The following NRG4 variants were observed in gnomAD, a reference collection of about 807,000 sequenced individuals.
NRG4 encodes pro-neuregulin-4, membrane-bound isoform.
In NRG4, 10 loss-of-function variants were observed where a neutral mutation model predicts 15.0. That is an observed-to-expected ratio of 0.67 (90% CI 0.41 to 1.13). The LOEUF is 1.13. Among genes scored for constraint, NRG4 ranks in the 50% most tolerant of loss-of-function variants. The pLI, the probability that NRG4 is intolerant of heterozygous loss-of-function variation, is 0.00. For missense variants in NRG4, 139 were observed against 140.2 expected (o/e 0.99, Z 0.04); for synonymous variants, 41 against 50.1 (o/e 0.82, Z 0.77).
chr15:75,954,613 TGG>T (rs1182140108), intron 5 of NRG4, among the ~76,000 whole-genome samples: 1 of 151,520 alleles, frequency 6.6e-6, no homozygotes, highest in East Asian at 1.9e-4. Context: ...TTAGTAGAGA[TGG>T]GGTTTCACCA....
chr15:76,020,698 C>T (rs532424257), intron 5 of NRG4, among the ~76,000 whole-genome samples: 8 of 152,234 alleles, frequency 5.3e-5, no homozygotes, highest in South Asian at 2.1e-4. Flanking sequence ...ATGCGGCCCA[C>T]GCGCCAGGGT....
intron 3 of NRG4, among the ~76,000 whole-genome samples, chr15:75,967,112 CAAA>C (rs1300663699): frequency 3.9e-5 from 2 of 51,154 alleles, no homozygotes; most frequent in Non-Finnish European, 3.9e-5. Flanking sequence ...GACTCCGTCT[CAAA>C]AAAAAAAAAA....
chr15:76,058,792 G>A (rs1422082613), intron 1 of NRG4, among the ~76,000 whole-genome samples: 1 of 152,192 alleles, frequency 6.6e-6, no homozygotes, highest in Non-Finnish European at 1.5e-5. Context: ...TTTTTAGCAA[G>A]AATTGGTGGA....
At chr15:76,025,313 C>A (rs2035280713) in intron 5 of NRG4, among the ~76,000 whole-genome samples, 1 of 152,084 alleles carries the variant, frequency 6.6e-6, no homozygotes, top group African/African-American at 2.4e-5. Flanking sequence ...GTGGCGGGCG[C>A]TTGTAGTCCC....
intron 5 of NRG4, among the ~76,000 whole-genome samples, chr15:76,024,685 A>T (rs1288914226): frequency 6.6e-6 from 1 of 152,220 alleles, no homozygotes; most frequent in African/African-American, 2.4e-5. Flanking sequence ...CCTTGATCTG[A>T]GAAAAAGCTT....
intron 5 of NRG4, among the ~76,000 whole-genome samples, chr15:75,952,369 ATGT>A (rs2031954288): frequency 6.6e-6 from 1 of 152,088 alleles, no homozygotes; most frequent in Non-Finnish European, 1.5e-5. Flanking sequence ...TTACTTCAGC[ATGT>A]TGTTTTCAAA....
At chr15:75,953,039 G>A (rs2032005729) in intron 5 of NRG4, among the ~76,000 whole-genome samples, 5 of 151,990 alleles carry the variant, frequency 3.3e-5, no homozygotes, top group Admixed American at 1.3e-4. Context: ...TCCAGTTTTT[G>A]TATTTTTTCT....
At chr15:76,055,664 AT>A (rs1442526116) in intron 2 of NRG4, among the ~76,000 whole-genome samples, 1 of 152,186 alleles carries the variant, frequency 6.6e-6, no homozygotes, top group African/African-American at 2.4e-5. Context: ...TATTAAAAAA[AT>A]AATTAAAATG....
chr15:75,983,153 C>T lies in NRG4; in HGVS notation c.105-21179G>A, dbSNP rs575751422. On this transcript the variant is annotated intron_variant, in intron 3 of 5. Transcript: ENST00000394907. Reference sequence around the variant, plus strand: ...AAATAAATTGAGTCCAAACCCAAGACGAACCAGATATTGGAACAAACAGAC... The same window carrying T: ...AAATAAATTGAGTCCAAACCCAAGATGAACCAGATATTGGAACAAACAGAC... Among the ~76,000 whole-genome samples, 231 of 152,154 alleles carry T rather than the reference C, an allele frequency of 1.5e-3. 2 individuals are homozygous for T. Among genetic ancestry groups the T allele is most frequent in the Non-Finnish European group, 2.7e-3 (185 of 68,002 alleles).
upstream of NRG4, among the ~76,000 whole-genome samples, chr15:76,014,890 G>A (rs1238827146): frequency 6.6e-6 from 1 of 152,158 alleles, no homozygotes; most frequent in Admixed American, 6.5e-5. Flanking sequence ...GAAAGTCAAT[G>A]GTAGCCTGAT....
intron 4 of NRG4, among the ~76,000 whole-genome samples, chr15:76,050,415 A>G (rs925207860): frequency 7.1e-5 from 10 of 141,330 alleles, no homozygotes; most frequent in Non-Finnish European, 1.2e-4. Flanking sequence ...CTGGAAAAGC[A>G]TTATTGTCAC....
rs192764598 is a variant in NRG4, at chr15:76,041,845, T to C, written c.-104-5854A>G. Among the ~76,000 whole-genome samples, 334 of 152,232 alleles carry C rather than the reference T, an allele frequency of 2.2e-3. 3 individuals carry two copies. Among genetic ancestry groups the C allele is most frequent in the Non-Finnish European group, 3.2e-3 (216 of 67,970 alleles). ...ACCACATGGACCAAATAGATACTTA[T>C]AGAACATTTAATCCAACAGCTACAG... is the stretch of plus-strand genomic sequence containing the variant. On this transcript the variant is annotated intron_variant, in intron 4 of 8. Coordinates refer to the NRG4 transcript ENST00000563910.
intron 4 of NRG4, among the ~76,000 whole-genome samples, chr15:76,038,062 C>G (rs951432874): frequency 5.3e-5 from 8 of 152,136 alleles, no homozygotes; most frequent in African/African-American, 1.9e-4. Flanking sequence ...CAGGATGCAT[C>G]ATCTGCTGGC....
chr15:76,048,371 C>G (rs2035922207), intron 4 of NRG4, among the ~76,000 whole-genome samples: 1 of 146,558 alleles, frequency 6.8e-6, no homozygotes, highest in African/African-American at 2.6e-5. Flanking sequence ...ACTTCGGAGG[C>G]TGAGGCATGA....
intron 5 of NRG4, among the ~76,000 whole-genome samples, chr15:75,951,647 C>T (rs1314145633): frequency 6.6e-6 from 1 of 152,142 alleles, no homozygotes; most frequent in Admixed American, 6.5e-5. Flanking sequence ...ACACTTTTGA[C>T]TTATTACAGT....
chr15:75,973,684 T>A (rs991683410), intron 3 of NRG4, among the ~76,000 whole-genome samples: 1 of 152,254 alleles, frequency 6.6e-6, no homozygotes, highest in Non-Finnish European at 1.5e-5. Context: ...GATTTGCATA[T>A]GTTAAACCAG....
intron 3 of NRG4, among the ~76,000 whole-genome samples, chr15:75,985,064 C>T (rs1197242480): frequency 1.3e-5 from 2 of 152,046 alleles, no homozygotes; most frequent in Non-Finnish European, 2.9e-5. Context: ...AGGCTGGTCT[C>T]GAACTCCTGA....
intron 5 of NRG4, 98 bp from the exon 6 acceptor site, chr15:75,943,752 A>C (rs546177515): frequency 1.7e-4 from 128 of 771,764 alleles, no homozygotes; most frequent in Non-Finnish European, 2.7e-4. Flanking sequence ...CACATATATA[A>C]GCCAACCCCT....
At chr15:76,016,475 G>A (rs2034983613), upstream of NRG4, among the ~76,000 whole-genome samples, 1 of 152,166 alleles carries the variant, frequency 6.6e-6, no homozygotes, top group African/African-American at 2.4e-5. Context: ...AGGGCATTTA[G>A]TGCTATAAAT....
Sources: gnomAD v4.1 joint callset for allele counts (sites outside exome capture counted in the v4.1 genomes callset) on GRCh38, gnomAD v4.1.1 for gene constraint, MANE v1.5 for transcripts, NCBI Gene and HGNC (gene_info 2026-07-23, HGNC 2026-07-21) for gene names.